The following WDR33 variants were observed in gnomAD, a reference collection of about 807,000 sequenced individuals.
The protein encoded by WDR33 is pre-mRNA 3' end processing protein WDR33.
A neutral mutation model predicts 164.9 loss-of-function variants in WDR33; 47 were observed. The observed-to-expected ratio is 0.29, with a 90% CI of 0.23 to 0.36. The LOEUF (loss-of-function observed/expected upper bound fraction) is 0.36, where lower values mean the gene tolerates loss of function less well. Among genes scored for constraint, WDR33 ranks in the 10% least tolerant of loss-of-function variants. The pLI is 1.00. For missense variants in WDR33, 1,137 were observed against 1,754.1 expected, an observed-to-expected ratio of 0.65 and a Z score of 6.28; for synonymous variants, 505 against 589.0, an observed-to-expected ratio of 0.86 and a Z score of 2.06.
chr2:127,795,697 G>C (rs1162398555), intron 1 of WDR33, among the ~76,000 whole-genome samples: 2 of 151,420 alleles, frequency 1.3e-5, no homozygotes, highest in African/African-American at 2.4e-5. Flanking sequence ...GCCAGGTGTG[G>C]TGGCATGCTC....
chr2:127,780,163 C>T (rs947385470), intron 1 of WDR33, among the ~76,000 whole-genome samples: 6 of 151,920 alleles, frequency 3.9e-5, no homozygotes, highest in Non-Finnish European at 8.8e-5. Context: ...TTAGTAGAGA[C>T]GGGGTTTCAC....
chr2:127,756,602 G>T (rs1687528436), intron 7 of WDR33, among the ~76,000 whole-genome samples: 1 of 152,034 alleles, frequency 6.6e-6, no homozygotes, highest in South Asian at 2.1e-4. Flanking sequence ...ATTTATAAAA[G>T]AACAGGGTAA....
chr2:127,801,489 TA>T (rs1324748727), intron 1 of WDR33, among the ~76,000 whole-genome samples: 1 of 128,400 alleles, frequency 7.8e-6, no homozygotes, highest in Non-Finnish European at 1.7e-5. Context: ...ACTCTGTCTC[TA>T]AAAAACAAAC....
chr2:127,777,609 A>C (rs1688228709), intron 1 of WDR33, among the ~76,000 whole-genome samples: 1 of 152,208 alleles, frequency 6.6e-6, no homozygotes, highest in African/African-American at 2.4e-5. Context: ...GTTTGTATGC[A>C]CAAGTCTATA....
rs1218026760 is a variant in WDR33, at chr2:127,743,854, CAGAA to C, written c.725-17081_725-17078del. Among the ~76,000 whole-genome samples, 9 of 152,288 alleles carry C rather than the reference CAGAA, an allele frequency of 5.9e-5. No homozygotes were observed. In the East Asian group the frequency reaches 1.3e-3, roughly 23 times the overall value. On this transcript the variant is annotated intron_variant, in intron 7 of 21. Transcript: ENST00000322313. ...ACACTCAATTCCTCACCTTTGATGACAGAAAGAGGCACTACGTCAGACAGATATA... is the reference window on the plus strand; with the variant it reads ...ACACTCAATTCCTCACCTTTGATGACAGAGGCACTACGTCAGACAGATATA...
At position 127,703,809 on chromosome 2, in the gene WDR33, C is replaced by T. The variant is rs1181677046; in HGVS notation, c.*2514G>A. 6.0e-6 allele frequency: 1 copy of T among 166,904 alleles called. No individual in the cohort carries two copies. Among genetic ancestry groups the T allele is most frequent in the African/African-American group, 2.4e-5 (1 of 41,384 alleles). The allele number at this position is 166,904 out of a possible 1,614,324, so 10.3% of individuals were successfully genotyped here. ...TAATGATGTTTTACAATGTTTATTTCTTAAATAAAAACTTAAAAATTCAAC... is the reference window on the plus strand; with the variant it reads ...TAATGATGTTTTACAATGTTTATTTTTTAAATAAAAACTTAAAAATTCAAC... On this transcript the variant is annotated 3_prime_UTR_variant, in exon 22 of 22. Transcript: ENST00000322313.
intron 8 of WDR33, among the ~76,000 whole-genome samples, chr2:127,725,727 C>G (rs1686554388): frequency 1.4e-5 from 2 of 138,222 alleles, no homozygotes; most frequent in South Asian, 2.5e-4. Context: ...GAGCGAGACT[C>G]TGTCTCAAAA....
intron 7 of WDR33, among the ~76,000 whole-genome samples, chr2:127,758,451 A>C (rs542024079): frequency 6.6e-6 from 1 of 152,286 alleles, no homozygotes; most frequent in East Asian, 1.9e-4. Flanking sequence ...TCATTTGTAA[A>C]ATGGGAAACA....
intron 7 of WDR33, among the ~76,000 whole-genome samples, chr2:127,758,207 T>C (rs1687575220): frequency 1.3e-5 from 2 of 152,088 alleles, no homozygotes; most frequent in African/African-American, 4.8e-5. Flanking sequence ...GAATACCTAG[T>C]TTCCTCTACC....
rs1036415852 is a variant in WDR33 at position 127,718,950 on chromosome 2, G to C, written c.2760+315C>G. Among the ~76,000 whole-genome samples the C allele has an allele frequency of 2.0e-5, 3 of 152,196 alleles. No individual in the cohort carries two copies. The highest frequency in any genetic ancestry group is 7.2e-5 in the African/African-American group (3 of 41,446). Reference sequence around the variant, plus strand: ...AACATGCTTCCTCCTCAGGGCCACAGCTCTCCTGGAGCCCTGGGACAATTA... The same window carrying C: ...AACATGCTTCCTCCTCAGGGCCACACCTCTCCTGGAGCCCTGGGACAATTA... On this transcript the variant is annotated intron_variant, in intron 16 of 21. Transcript: ENST00000322313. The surrounding 1 kb of genome is among the most constrained non-coding windows in gnomAD (Gnocchi z 4.4).
intron 7 of WDR33, among the ~76,000 whole-genome samples, chr2:127,750,677 AATATATATATATATATATATATATATAT>A: frequency 2.8e-5 from 1 of 35,794 alleles, no homozygotes; most frequent in Non-Finnish European, 4.4e-5. Context: ...AAAAAAAAAA[AATATATATATATATATATATATATATAT>A]ATATATATGT....
intron 1 of WDR33, among the ~76,000 whole-genome samples, chr2:127,808,704 G>A (rs1048940279): frequency 2.0e-5 from 3 of 151,872 alleles, no homozygotes; most frequent in African/African-American, 7.3e-5. Context: ...AGACCAGCCT[G>A]GCCAACATGG....
Position 127,724,969 on chromosome 2 carries a change from CAGAACA to C in WDR33, c.1007-10_1007-5del. The C allele has an allele frequency of 6.8e-6, 11 of 1,614,162 alleles. No homozygotes were observed. Among genetic ancestry groups the C allele is most frequent in the Non-Finnish European group, 9.3e-6 (11 of 1,180,012 alleles). On this transcript the variant is annotated splice_polypyrimidine_tract_variant and splice_region_variant and intron_variant, in intron 9 of 21. Coordinates refer to ENST00000322313, the MANE Select transcript of WDR33 (RefSeq NM_018383.5). This position sits in a 1 kb window ranked among gnomAD's most constrained non-coding sequence, Gnocchi z 4.8. ...TGAACAGGATGCCAGGCCACAGCTG[CAGAACA>C]AAAACATGGGAAAAGACACAATTAT... is the stretch of plus-strand genomic sequence containing the variant.
At chr2:127,774,303 C>CA (rs1202021318) in intron 1 of WDR33, among the ~76,000 whole-genome samples, 1 of 149,950 alleles carries the variant, frequency 6.7e-6, no homozygotes, top group East Asian at 2.0e-4. Context: ...CCGCCCGCCT[C>CA]AGTTTCCCAA....
Position 127,724,818 on chromosome 2 carries a change from A to G in WDR33, c.1085+69T>C. 6.5e-7 allele frequency: 1 copy of G among 1,529,628 alleles called. No individual in the cohort carries two copies. Among genetic ancestry groups the G allele is most frequent in the South Asian group, 1.1e-5 (1 of 88,920 alleles). The allele number at this position is 1,529,628 out of a possible 1,614,324, so 94.8% of individuals were successfully genotyped here. A position where few individuals can be genotyped will look rare whatever the true frequency, so the allele number is the denominator to read the frequency against. ...GAACACTTAGAAAAGCTACAAAACT[A>G]TCATGTCTGCACACATTCACGTGCT... is the stretch of plus-strand genomic sequence containing the variant. On this transcript the variant is annotated intron_variant, in intron 10 of 21. Transcript: ENST00000322313. The surrounding 1 kb of genome is among the most constrained non-coding windows in gnomAD (Gnocchi z 4.8).
chr2:127,791,222 A>G (rs529604486), intron 1 of WDR33, among the ~76,000 whole-genome samples: 100 of 114,530 alleles, frequency 8.7e-4, no homozygotes, highest in African/African-American at 3.0e-3. Context: ...ACAGTGGCAC[A>G]ATCATACCTC....
chr2:127,706,063 A>G lies in WDR33; in HGVS notation c.*260T>C. ...CCATGTCTTGTGAGACTTAAAAAAA[A>G]GAAAAAGATCCCAGCTTTTATCTTC... On this transcript the variant is annotated 3_prime_UTR_variant, in exon 22 of 22. Coordinates refer to ENST00000322313, the MANE Select transcript of WDR33 (RefSeq NM_018383.5). This position sits in a 1 kb window ranked among gnomAD's most constrained non-coding sequence, Gnocchi z 5.1. 1 of 387,228 alleles carries G rather than the reference A, an allele frequency of 2.6e-6. No homozygotes were observed. Among genetic ancestry groups the G allele is most frequent in the Non-Finnish European group, 4.6e-6 (1 of 219,256 alleles). 24.0% of individuals were successfully genotyped at this position (387,228 alleles called of 1,614,324 possible).
At position 127,738,891 on chromosome 2, in the gene WDR33, G is replaced by C. The variant is rs957797187; in HGVS notation, c.725-12114C>G. 6.6e-6 allele frequency among the ~76,000 whole-genome samples: 1 copy of C among 152,128 alleles called. No individual in the cohort carries two copies. The highest frequency in any genetic ancestry group is 6.6e-5 in the Admixed American group (1 of 15,262). On this transcript the variant is annotated intron_variant, in intron 7 of 21. Transcript: ENST00000322313. This position sits in a 1 kb window ranked among gnomAD's most constrained non-coding sequence, Gnocchi z 4.4. ...GAGGAGGAGAATGGAACAAAATCTT[G>C]AAAGTGCTGAAATAGGGGGAAAAGT...
In WDR33 at chr2:127,763,003, T is replaced by G; in HGVS notation, c.724+59A>C. On this transcript the variant is annotated intron_variant, in intron 7 of 21. Coordinates refer to ENST00000322313, the MANE Select transcript of WDR33 (RefSeq NM_018383.5). The surrounding 1 kb of genome is among the most constrained non-coding windows in gnomAD (Gnocchi z 4.5). ...AGCCAGTATTGTGGTTTTGTGATGA[T>G]TTAACCACAAATGTCTTCCCTATTT... 1 of 1,611,046 alleles carries G rather than the reference T, an allele frequency of 6.2e-7. No individual in the cohort carries two copies. The highest frequency in any genetic ancestry group is 1.1e-5 in the South Asian group (1 of 90,824).
Sources: gnomAD v4.1 joint callset for allele counts (sites outside exome capture counted in the v4.1 genomes callset) on GRCh38, gnomAD v4.1.1 for gene constraint, Gnocchi (gnomAD v3.1) non-coding constraint, MANE v1.5 for transcripts, NCBI Gene and HGNC (gene_info 2026-07-23, HGNC 2026-07-21) for gene names.